Variants in UBR2 observed in about 807,000 individuals in gnomAD.
UBR2 encodes the protein ubiquitin protein ligase E3 component n-recognin 2, also known as E3 ubiquitin-protein ligase UBR2.
In UBR2, 92 loss-of-function variants were observed where a neutral mutation model predicts 247.9. The observed-to-expected ratio is 0.37, with a 90% CI of 0.31 to 0.44. The LOEUF (loss-of-function observed/expected upper bound fraction) is 0.44. Among genes scored for constraint, UBR2 ranks in the 20% least tolerant of loss-of-function variants. UBR2 has a pLI of 1.00. For missense variants in UBR2, 1,613 were observed against 2,112.6 expected (o/e 0.76, Z 4.64); for synonymous variants, 672 against 693.5 (o/e 0.97, Z 0.49).
intron 25 of UBR2, among the ~76,000 whole-genome samples, chr6:42,653,607 T>C (rs995205491): frequency 4.3e-4 from 2 of 4,684 alleles, no homozygotes; most frequent in Middle Eastern, 0.071. Context: ...TGCTAAGCCC[T>C]TTTTTTTTTT....
At position 42,691,780 on chromosome 6, in the gene UBR2, A is replaced by AG. The variant is rs1799763914; in HGVS notation, c.*609dup. 7.7e-6 allele frequency: 1 copy of AG among 129,616 alleles called. No individual in the cohort carries two copies. Among genetic ancestry groups the AG allele is most frequent in the Non-Finnish European group, 1.6e-5 (1 of 60,830 alleles). The allele number at this position is 129,616 out of a possible 1,614,324, so 8.0% of individuals were successfully genotyped here. A position where few individuals can be genotyped will look rare whatever the true frequency, so the allele number is the denominator to read the frequency against. ...CTGGCTGGTTTTTCAGGGCTGTTAGAGGTTTTTTTTTTTTCTTTTTTTTTT... is the reference window on the plus strand; with the variant it reads ...CTGGCTGGTTTTTCAGGGCTGTTAGAGGGTTTTTTTTTTTTCTTTTTTTTTT... On this transcript the variant is annotated 3_prime_UTR_variant, in exon 47 of 47. Coordinates refer to ENST00000372901, the MANE Select transcript of UBR2 (RefSeq NM_001363705.2).
chr6:42,640,401 T>G lies in UBR2; in HGVS notation c.1920+131T>G, dbSNP rs905102822. On this transcript the variant is annotated intron_variant, in intron 16 of 46. Transcript: ENST00000372901. ...CCAGTAAGGTGTGTGTGTGTGTGTG[T>G]GTGTGTGTGTGTGTGTGTGTGTGTG... is the stretch of plus-strand genomic sequence containing the variant. 58 of 363,226 alleles carry G rather than the reference T, an allele frequency of 1.6e-4. No homozygotes were observed. The East Asian group carries it at 1.8e-3, about 11-fold the overall frequency. The allele number at this position is 363,226 out of a possible 1,614,324, so 22.5% of individuals were successfully genotyped here. A position where few individuals can be genotyped will look rare whatever the true frequency, so the allele number is the denominator to read the frequency against.
intron 1 of UBR2, 98 bp downstream of exon 1, chr6:42,564,495 C>G: frequency 7.3e-7 from 1 of 1,362,972 alleles, no homozygotes; most frequent in South Asian, 1.4e-5. Flanking sequence ...CCGACCCAGA[C>G]TTGGGGAAAC....
At chr6:42,656,652 G>A (rs534899206) in intron 26 of UBR2, among the ~76,000 whole-genome samples, 19 of 152,196 alleles carry the variant, frequency 1.2e-4, no homozygotes, top group Non-Finnish European at 1.9e-4. Context: ...CTTCCTAAAC[G>A]ATAACTGTGA....
At chr6:42,608,138 T>A (rs1197059054) in intron 7 of UBR2, among the ~76,000 whole-genome samples, 1 of 152,180 alleles carries the variant, frequency 6.6e-6, no homozygotes, top group African/African-American at 2.4e-5. Flanking sequence ...TACAAAAGTT[T>A]CCCTACGGTA....
At chr6:42,666,363 C>G (rs1798107266) in intron 34 of UBR2, 118 bp downstream of exon 34, 1 of 784,306 alleles carries the variant, frequency 1.3e-6, no homozygotes, top group East Asian at 2.7e-5. Flanking sequence ...GGATACTGAT[C>G]TTTAGTTGTA....
Position 42,564,143 on chromosome 6 carries a change from C to T in UBR2, c.-177C>T. On this transcript the variant is annotated 5_prime_UTR_variant, in exon 1 of 47. Coordinates refer to ENST00000372901, the MANE Select transcript of UBR2 (RefSeq NM_001363705.2). Reference sequence around the variant, plus strand: ...GCTTGGGAGGGAGCGCAGGAGGCCGCTGTCCTTCCTTTCCGGTTCACGTCA... The same window carrying T: ...GCTTGGGAGGGAGCGCAGGAGGCCGTTGTCCTTCCTTTCCGGTTCACGTCA... 5 of 670,644 alleles carry T rather than the reference C, an allele frequency of 7.5e-6. No individual in the cohort carries two copies. Among genetic ancestry groups the T allele is most frequent in the Non-Finnish European group, 1.2e-5 (5 of 408,834 alleles). The allele number at this position is 670,644 out of a possible 1,614,324, so 41.5% of individuals were successfully genotyped here. A position where few individuals can be genotyped will look rare whatever the true frequency, so the allele number is the denominator to read the frequency against.
intron 3 of UBR2, 61 bp downstream of exon 3, chr6:42,592,290 T>C: frequency 7.7e-7 from 1 of 1,301,366 alleles, no homozygotes; most frequent in Non-Finnish European, 1.0e-6. Flanking sequence ...ATATCTTTTC[T>C]TTCTTTTCAA....
chr6:42,680,205 C>T (rs1476097853), intron 42 of UBR2, among the ~76,000 whole-genome samples: 1 of 152,022 alleles, frequency 6.6e-6, no homozygotes, highest in Non-Finnish European at 1.5e-5. Flanking sequence ...AGGCTGGTCT[C>T]GAACTCCTGA....
intron 44 of UBR2, among the ~76,000 whole-genome samples, chr6:42,687,721 A>G (rs1799525886): frequency 6.6e-6 from 1 of 151,934 alleles, no homozygotes; most frequent in African/African-American, 2.4e-5. Context: ...TTGTATTTTT[A>G]GTAGAGACGG....
chr6:42,665,096 T>C (rs554241000), intron 32 of UBR2, among the ~76,000 whole-genome samples: 7 of 152,338 alleles, frequency 4.6e-5, no homozygotes, highest in Middle Eastern at 3.4e-3. Context: ...CCTTACTAAG[T>C]GCTTGTAACA....
At chr6:42,640,680 C>G (rs1017733012) in intron 16 of UBR2, among the ~76,000 whole-genome samples, 11 of 152,164 alleles carry the variant, frequency 7.2e-5, no homozygotes, top group Admixed American at 6.5e-4. Flanking sequence ...ACTGATGAAG[C>G]CCACCCATGT....
chr6:42,632,067 A>ATATAT (rs60620486), intron 11 of UBR2, among the ~76,000 whole-genome samples: 18 of 80,390 alleles, frequency 2.2e-4, no homozygotes, highest in South Asian at 1.2e-3. Flanking sequence ...AAAAAAAAAA[A>ATATAT]AAATATATAT....
At chr6:42,678,801 C>A in intron 41 of UBR2, 132 bp downstream of exon 41, 2 of 965,668 alleles carry the variant, frequency 2.1e-6, no homozygotes, top group Non-Finnish European at 3.0e-6. Context: ...GTGATGTACA[C>A]ATTTATAGCA....
At chr6:42,605,460 G>C (rs1359079885) in intron 5 of UBR2, among the ~76,000 whole-genome samples, 1 of 152,194 alleles carries the variant, frequency 6.6e-6, no homozygotes, top group African/African-American at 2.4e-5. Flanking sequence ...TTCTCCAAGA[G>C]TTCTCTGAGC....
chr6:42,685,468 A>ATTTTTTTTTTAGTAAT (rs1554265620), intron 44 of UBR2, among the ~76,000 whole-genome samples: 1 of 144,944 alleles, frequency 6.9e-6, no homozygotes, highest in East Asian at 2.0e-4. Flanking sequence ...GCCCTTAGTA[A>ATTTTTTTTTTAGTAAT]TTTTTTTTTT....
intron 1 of UBR2, 26 bp from the exon 2 acceptor site, chr6:42,573,708 A>G (rs1459166012): frequency 2.7e-6 from 4 of 1,481,116 alleles, no homozygotes; most frequent in South Asian, 1.4e-5. Context: ...GTTTAAAACC[A>G]TTTCTTCTCT....
intron 7 of UBR2, among the ~76,000 whole-genome samples, chr6:42,611,459 C>CAAAAAAA (rs71753208): frequency 7.6e-6 from 1 of 132,334 alleles, no homozygotes. Flanking sequence ...GACTCCATCT[C>CAAAAAAA]AAAAAAAAAA....
In UBR2 at chr6:42,665,520, C is replaced by T; in HGVS notation, c.3802+8C>T. On this transcript the variant is annotated splice_region_variant and intron_variant, in intron 33 of 46. Coordinates refer to ENST00000372901, the MANE Select transcript of UBR2 (RefSeq NM_001363705.2). ...AAGAAGAAAGTACTCCTAGTAAGTT[C>T]TGGTAACCTGTTTTCATTTTTCCCT... 6.3e-7 allele frequency: 1 copy of T among 1,583,706 alleles called. No individual in the cohort carries two copies. Among genetic ancestry groups the T allele is most frequent in the South Asian group, 1.1e-5 (1 of 88,040 alleles).
Sources: allele counts gnomAD v4.1 joint callset (sites outside exome capture counted in the v4.1 genomes callset), GRCh38; gene constraint gnomAD v4.1.1; transcripts MANE v1.5; gene names NCBI Gene and HGNC (gene_info 2026-07-23, HGNC 2026-07-21).